Variants in ARPC5L observed in about 807,000 individuals in gnomAD.
ARPC5L encodes the protein actin-related protein 2/3 complex subunit 5-like protein.
In ARPC5L, 4 loss-of-function variants were observed where a neutral mutation model predicts 16.9. The observed-to-expected ratio is 0.24, with a 90% CI of 0.12 to 0.54. The LOEUF is 0.54. ARPC5L is among the 20% of genes least tolerant of loss of function. The probability of loss-of-function intolerance (pLI) is 0.95; values close to 1 mark genes in which losing one functional copy is unlikely to be tolerated. For missense variants in ARPC5L, 151 were observed against 201.9 expected (o/e 0.75, Z 1.53); for synonymous variants, 78 against 82.6 (o/e 0.94, Z 0.30).
rs1829258836 is a variant in ARPC5L at position 124,865,661 on chromosome 9, C to T, written c.-864+1554C>T. Among the ~76,000 whole-genome samples the T allele has an allele frequency of 5.3e-5, 8 of 150,802 alleles. No individual in the cohort carries two copies. In the South Asian group the frequency reaches 1.7e-3, roughly 32 times the overall value. ...AAAAAAAATTAGCCGGGCATGGTGG[C>T]GGGTGCCTATAATCACAGCTATTCG... On this transcript the variant is annotated intron_variant, in intron 2 of 5. Coordinates refer to ENST00000353214, the MANE Select transcript of ARPC5L (RefSeq NM_030978.3).
rs1417524107 is a variant in ARPC5L at position 124,873,705 on chromosome 9, C to G, written c.163C>G (p.Arg55Gly). ...GTGGTGATGCACAGGGGACATGCTT[C>G]GGGCATTCCATGCAGCCTTGCGGAA... is the stretch of plus-strand genomic sequence containing the variant. The part of the protein sequence containing the change: ...DGLLRQGDML[R>G]AFHAALRNSP... Residue 55 changes from arginine to glycine, a missense_variant, in exon 4 of 6, where the codon CGG (arginine) becomes GGG (glycine). By Grantham distance (125) the Arg-to-Gly change is moderately radical. Transcript: ENST00000353214. The G allele has an allele frequency of 5.0e-6, 8 of 1,614,056 alleles. No individual in the cohort carries two copies. Among genetic ancestry groups the G allele is most frequent in the Non-Finnish European group, 6.8e-6 (8 of 1,180,036 alleles).
intron 2 of ARPC5L, 96 bp downstream of exon 2, chr9:124,864,203 T>TTG (rs61360955): frequency 1.3e-5 from 2 of 151,436 alleles, no homozygotes; most frequent in Non-Finnish European, 2.9e-5. Flanking sequence ...TTTTTTTTTT[T>TTG]GAAATGGAGT....
Position 124,863,258 on chromosome 9 carries a change from G to C in ARPC5L, c.-983-730G>C, listed in dbSNP as rs1042041375. ...CAACCTCCACCTCCCGGGTTCAAGA[G>C]ATTCTCCTGCCTTGGCCTCCCCAGT... On this transcript the variant is annotated intron_variant, in intron 1 of 5. Coordinates refer to ENST00000353214, the MANE Select transcript of ARPC5L (RefSeq NM_030978.3). Among the ~76,000 whole-genome samples the C allele has an allele frequency of 2.6e-5, 4 of 152,154 alleles. No homozygotes were observed. In the East Asian group the frequency reaches 7.7e-4, roughly 29 times the overall value.
At chr9:124,870,600 A>G (rs1829342315) in intron 3 of ARPC5L, among the ~76,000 whole-genome samples, 1 of 152,052 alleles carries the variant, frequency 6.6e-6, no homozygotes, top group Non-Finnish European at 1.5e-5. Flanking sequence ...CGAAGTGGAG[A>G]TTCAAGCTTG....
intron 2 of ARPC5L, among the ~76,000 whole-genome samples, chr9:124,867,624 GTTTC>G (rs773540221): frequency 3.9e-5 from 6 of 152,126 alleles, no homozygotes; most frequent in Non-Finnish European, 7.4e-5. Context: ...TTTGGGGGCT[GTTTC>G]TTTACTTGTA....
At chr9:124,876,433 C>T (rs1177190123) in intron 5 of ARPC5L, among the ~76,000 whole-genome samples, 1 of 152,134 alleles carries the variant, frequency 6.6e-6, no homozygotes, top group Non-Finnish European at 1.5e-5. Flanking sequence ...TTGCAGTGAG[C>T]CGAGATCGTG....
At chr9:124,865,375 T>C (rs1227906337) in intron 2 of ARPC5L, among the ~76,000 whole-genome samples, 1 of 151,878 alleles carries the variant, frequency 6.6e-6, no homozygotes, top group Non-Finnish European at 1.5e-5. Flanking sequence ...GCTGTTATAT[T>C]TTTAAATGCT....
rs577979967 is a variant in ARPC5L at position 124,869,016 on chromosome 9, G to T, written c.-275G>T. 2.9e-6 allele frequency: 1 copy of T among 344,520 alleles called. No individual in the cohort carries two copies. Among genetic ancestry groups the T allele is most frequent in the Non-Finnish European group, 5.2e-6 (1 of 192,496 alleles). 21.3% of individuals were successfully genotyped at this position (344,520 alleles called of 1,614,324 possible). ...GCGCCCGATCCTCAGTGACAAAATA[G>T]AGACTCCGTGGAAGGGACACTGAGG... On this transcript the variant is annotated 5_prime_UTR_variant, in exon 3 of 6. The change abolishes the stop of an existing upstream ORF in the 5' untranslated region. Coordinates refer to ENST00000353214, the MANE Select transcript of ARPC5L (RefSeq NM_030978.3).
chr9:124,867,192 A>T (rs1173258069), intron 2 of ARPC5L, among the ~76,000 whole-genome samples: 1 of 138,256 alleles, frequency 7.2e-6, no homozygotes, highest in Non-Finnish European at 1.5e-5. Flanking sequence ...CCCAGGCTGG[A>T]GTGCAATGGT....
chr9:124,870,208 G>A (rs1829336117), intron 3 of ARPC5L, among the ~76,000 whole-genome samples: 1 of 152,222 alleles, frequency 6.6e-6, no homozygotes, highest in African/African-American at 2.4e-5. Flanking sequence ...ACCTTGAAGC[G>A]AAGTGTGAAA....
chr9:124,866,328 C>T (rs1432409566), intron 2 of ARPC5L, among the ~76,000 whole-genome samples: 2 of 152,012 alleles, frequency 1.3e-5, no homozygotes, highest in Non-Finnish European at 2.9e-5. Context: ...CACCTGAACC[C>T]TGGAGGTGGA....
chr9:124,871,426 G>A (rs547524505), intron 3 of ARPC5L, among the ~76,000 whole-genome samples: 2 of 152,354 alleles, frequency 1.3e-5, no homozygotes, highest in East Asian at 3.9e-4. Context: ...CACACAGCAA[G>A]TGTCCTGGAC....
intron 5 of ARPC5L, among the ~76,000 whole-genome samples, chr9:124,876,200 A>G (rs1829431538): frequency 6.6e-6 from 1 of 152,074 alleles, no homozygotes; most frequent in Admixed American, 6.5e-5. Context: ...AAAAAAATAA[A>G]CTAGGCTGGG....
chr9:124,864,935 C>G lies in ARPC5L; in HGVS notation c.-864+828C>G, dbSNP rs559419658. Reference sequence around the variant, plus strand: ...GGATTCTTCTGCCTCAGCCTCCCAGCCTGCCTACAGCTACTGTAATCCAAG... The same window carrying G: ...GGATTCTTCTGCCTCAGCCTCCCAGGCTGCCTACAGCTACTGTAATCCAAG... On this transcript the variant is annotated intron_variant, in intron 2 of 5. Coordinates refer to ENST00000353214, the MANE Select transcript of ARPC5L (RefSeq NM_030978.3). 1.6e-4 allele frequency among the ~76,000 whole-genome samples: 24 copies of G among 152,114 alleles called. No individual in the cohort carries two copies. In the South Asian group the frequency reaches 4.6e-3, roughly 29 times the overall value.
Position 124,875,336 on chromosome 9 carries a change from G to C in ARPC5L, c.399+185G>C, listed in dbSNP as rs112203937. ...AGGAAGCTCCTGGTAGGGACCTGCT[G>C]TCTGTGGTAATTGCAGTTACTTTTT... On this transcript the variant is annotated intron_variant, in intron 5 of 5. Transcript: ENST00000353214. Among the ~76,000 whole-genome samples, 395 of 152,362 alleles carry C rather than the reference G, an allele frequency of 2.6e-3. 2 individuals carry two copies. The highest frequency in any genetic ancestry group is 8.6e-3 in the African/African-American group (359 of 41,588).
chr9:124,869,170 A>G lies in ARPC5L; in HGVS notation c.-121A>G, dbSNP rs925016914. On this transcript the variant is annotated 5_prime_UTR_variant, in exon 3 of 6. Transcript: ENST00000353214. Reference sequence around the variant, plus strand: ...CGGCGGCTGCGCGCGGAGGCGGTGGAGGAGGTGCTGGGAGCAGCCGGGCAG... The same window carrying G: ...CGGCGGCTGCGCGCGGAGGCGGTGGGGGAGGTGCTGGGAGCAGCCGGGCAG... The G allele has an allele frequency of 9.2e-6, 10 of 1,082,330 alleles. No individual in the cohort carries two copies. In the African/African-American group the frequency reaches 1.2e-4, roughly 13 times the overall value. The allele number at this position is 1,082,330 out of a possible 1,614,324, so 67.0% of individuals were successfully genotyped here. A position where few individuals can be genotyped will look rare whatever the true frequency, so the allele number is the denominator to read the frequency against.
At chr9:124,875,229 A>G in intron 5 of ARPC5L, 78 bp downstream of exon 5, 7 of 1,519,416 alleles carry the variant, frequency 4.6e-6, no homozygotes, top group Non-Finnish European at 6.3e-6. Context: ...GATTTTCCAG[A>G]ACAAACGTAG....
chr9:124,875,773 A>T (rs1829425026), intron 5 of ARPC5L, among the ~76,000 whole-genome samples: 2 of 152,156 alleles, frequency 1.3e-5, no homozygotes, highest in African/African-American at 4.8e-5. Context: ...GCACACCCCT[A>T]GTGCCGCAGT....
At position 124,868,779 on chromosome 9, in the gene ARPC5L, C is replaced by T. The variant is rs955775129; in HGVS notation, c.-512C>T. ...CCTACTCATCCCTCAGTCATCAGCT[C>T]GAAGGTTTCTTCTCCAAGAAGCCTG... On this transcript the variant is annotated 5_prime_UTR_variant, in exon 3 of 6. Coordinates refer to ENST00000353214, the MANE Select transcript of ARPC5L (RefSeq NM_030978.3). 2.6e-5 allele frequency: 4 copies of T among 152,802 alleles called. No individual in the cohort carries two copies. Among genetic ancestry groups the T allele is most frequent in the African/African-American group, 9.6e-5 (4 of 41,496 alleles). The allele number at this position is 152,802 out of a possible 1,614,324, so 9.5% of individuals were successfully genotyped here.
Sources: gnomAD v4.1 joint callset for allele counts (sites outside exome capture counted in the v4.1 genomes callset) on GRCh38, gnomAD v4.1.1 for gene constraint, MANE v1.5 for transcripts, NCBI Gene and HGNC (gene_info 2026-07-23, HGNC 2026-07-21) for gene names.